Variants in RTN1 observed in about 807,000 individuals in gnomAD.
RTN1 encodes reticulon 1, also known as reticulon-1.
Under a neutral mutation model 65.5 loss-of-function variants are expected in RTN1, and 25 were observed. The ratio of observed to expected loss-of-function variants is 0.38; its 90% CI spans 0.28 to 0.53. The LOEUF (loss-of-function observed/expected upper bound fraction) is 0.53. RTN1 is among the 20% of genes least tolerant of loss of function. The probability of loss-of-function intolerance (pLI) is 0.79; values close to 1 mark genes in which losing one functional copy is unlikely to be tolerated. For synonymous variants in RTN1, 471 were observed against 447.6 expected (o/e 1.05, Z -0.66); for missense variants, 983 against 1,025.4 (o/e 0.96, Z 0.57).
chr14:59,821,028 T>A (rs1355348754), intron 1 of RTN1, among the ~76,000 whole-genome samples: 1 of 152,226 alleles, frequency 6.6e-6, no homozygotes, highest in Non-Finnish European at 1.5e-5. Flanking sequence ...CAGAACAGTT[T>A]TTTTTCTAAT....
intron 3 of RTN1, among the ~76,000 whole-genome samples, chr14:59,608,974 ACTGT>A (rs1325085371): frequency 2.0e-5 from 3 of 152,134 alleles, no homozygotes; most frequent in Non-Finnish European, 4.4e-5. Flanking sequence ...CCCCAGTCAC[ACTGT>A]CTGACCATTA....
At chr14:59,717,697 C>A (rs142118208) in intron 3 of RTN1, among the ~76,000 whole-genome samples, 1 of 152,172 alleles carries the variant, frequency 6.6e-6, no homozygotes, top group African/African-American at 2.4e-5. Flanking sequence ...CTCTCCCATA[C>A]GGAGGTGGAA....
intron 3 of RTN1, among the ~76,000 whole-genome samples, chr14:59,677,078 G>A (rs562617538): frequency 6.6e-6 from 1 of 152,296 alleles, no homozygotes; most frequent in Admixed American, 6.5e-5. Flanking sequence ...TTCTGAGTGA[G>A]GGGAGCTGGC....
At chr14:59,750,352 ATT>A (rs1303180888) in intron 1 of RTN1, among the ~76,000 whole-genome samples, 4,757 of 16,972 alleles carry the variant, frequency 0.28, 619 homozygotes, top group Middle Eastern at 0.43. Flanking sequence ...TATAATATAT[ATT>A]ATATCTATAT....
chr14:59,627,229 T>C (rs192196313), intron 3 of RTN1, among the ~76,000 whole-genome samples: 1 of 152,326 alleles, frequency 6.6e-6, no homozygotes, highest in East Asian at 1.9e-4. Context: ...CACCATTACA[T>C]AGATAATTTA....
intron 3 of RTN1, among the ~76,000 whole-genome samples, chr14:59,613,490 GGTTTTCACCAT>G (rs1566661111): frequency 9.9e-5 from 15 of 152,004 alleles, no homozygotes. Flanking sequence ...AGTAGAGATG[GGTTTTCACCAT>G]GTTGGCCAGA....
chr14:59,749,432 ATATATC>A (rs1364890131), intron 1 of RTN1, among the ~76,000 whole-genome samples: 1 of 101,222 alleles, frequency 9.9e-6, no homozygotes, highest in South Asian at 2.9e-4. Flanking sequence ...ATATATCTAT[ATATATC>A]TATATCTATA....
chr14:59,714,476 A>G (rs919465308), intron 3 of RTN1, among the ~76,000 whole-genome samples: 3 of 152,194 alleles, frequency 2.0e-5, no homozygotes, highest in Non-Finnish European at 4.4e-5. Context: ...GCTTTCCACC[A>G]GGTAGTCATA....
At chr14:59,761,374 T>G (rs1176332256) in intron 1 of RTN1, among the ~76,000 whole-genome samples, 2 of 152,178 alleles carry the variant, frequency 1.3e-5, no homozygotes, top group East Asian at 3.9e-4. Flanking sequence ...TGAGATCTGA[T>G]GGTTTTATAA....
intron 3 of RTN1, among the ~76,000 whole-genome samples, chr14:59,684,779 G>A (rs1228420787): frequency 2.0e-5 from 3 of 152,048 alleles, no homozygotes; most frequent in Non-Finnish European, 2.9e-5. Context: ...TTGCTTATAC[G>A]AATAATAGTT....
At chr14:59,716,486 C>A (rs894495120) in intron 3 of RTN1, among the ~76,000 whole-genome samples, 1 of 152,140 alleles carries the variant, frequency 6.6e-6, no homozygotes, top group East Asian at 1.9e-4. Flanking sequence ...AACTAAGTTA[C>A]CCATTTGGAA....
At chr14:59,838,014 A>T (rs985155481) in intron 1 of RTN1, among the ~76,000 whole-genome samples, 3 of 152,110 alleles carry the variant, frequency 2.0e-5, no homozygotes, top group African/African-American at 7.2e-5. Context: ...AATGCATGAT[A>T]CTGAGGTTTG....
At chr14:59,750,359 C>CTATAA (rs1566713697) in intron 1 of RTN1, among the ~76,000 whole-genome samples, 10 of 6,556 alleles carry the variant, frequency 1.5e-3, no homozygotes, top group African/African-American at 6.3e-3. Flanking sequence ...TATATTATAT[C>CTATAA]TATATATTAT....
At position 59,766,973 on chromosome 14, in the gene RTN1, T is replaced by C. The variant is rs181989842; in HGVS notation, c.242-20492A>G. Among the ~76,000 whole-genome samples, 11 of 152,178 alleles carry C rather than the reference T, an allele frequency of 7.2e-5. No homozygotes were observed. Among genetic ancestry groups the C allele is most frequent in the African/African-American group, 2.7e-4 (11 of 41,452 alleles). On this transcript the variant is annotated intron_variant, in intron 1 of 8. Coordinates refer to ENST00000267484, the MANE Select transcript of RTN1 (RefSeq NM_021136.3). This position sits in a 1 kb window ranked among gnomAD's most constrained non-coding sequence, Gnocchi z 4.4. ...AGGTACTTATTCTAGTTTCTGGGGA[T>C]TTAACAATGAATGAAACAGATAAAT...
chr14:59,718,290 A>C (rs1199512910), intron 3 of RTN1, among the ~76,000 whole-genome samples: 1 of 152,212 alleles, frequency 6.6e-6, no homozygotes, highest in Non-Finnish European at 1.5e-5. Flanking sequence ...TCTTGAGCTG[A>C]AGTAACCAGA....
intron 3 of RTN1, among the ~76,000 whole-genome samples, chr14:59,644,153 G>T (rs998803139): frequency 2.0e-5 from 3 of 152,190 alleles, no homozygotes; most frequent in African/African-American, 7.2e-5. Context: ...AGAAGCAACT[G>T]GTGTGTGTTG....
At chr14:59,760,922 A>G (rs1210973984) in intron 1 of RTN1, among the ~76,000 whole-genome samples, 1 of 152,180 alleles carries the variant, frequency 6.6e-6, no homozygotes, top group Non-Finnish European at 1.5e-5. Flanking sequence ...ATGATACAAA[A>G]TGAGTCAGAG....
At position 59,816,932 on chromosome 14, in the gene RTN1, C is replaced by A. The variant is rs1056213814; in HGVS notation, c.241+53458G>T. Among the ~76,000 whole-genome samples the A allele has an allele frequency of 1.3e-5, 2 of 152,036 alleles. No individual in the cohort carries two copies. The highest frequency in any genetic ancestry group is 2.9e-5 in the Non-Finnish European group (2 of 67,988). ...TGGGTGACAGAAAGAGACCGTGACT[C>A]AAAATCAATTAATTAATAAATAAAA... On this transcript the variant is annotated intron_variant, in intron 1 of 8. Transcript: ENST00000267484. The surrounding 1 kb of genome is among the most constrained non-coding windows in gnomAD (Gnocchi z 4.3).
At chr14:59,714,756 A>T (rs576033793) in intron 3 of RTN1, among the ~76,000 whole-genome samples, 3 of 152,320 alleles carry the variant, frequency 2.0e-5, no homozygotes, top group South Asian at 2.1e-4. Flanking sequence ...TACCCATTAC[A>T]ACATGGGCAT....
Sources: gnomAD v4.1 joint callset for allele counts (sites outside exome capture counted in the v4.1 genomes callset) on GRCh38, gnomAD v4.1.1 for gene constraint, Gnocchi (gnomAD v3.1) non-coding constraint, MANE v1.5 for transcripts, NCBI Gene and HGNC (gene_info 2026-07-23, HGNC 2026-07-21) for gene names.